The following LRRC56 variants were observed in gnomAD, a reference collection of about 807,000 sequenced individuals.
LRRC56 encodes the protein leucine-rich repeat-containing protein 56.
Under a neutral mutation model 47.8 loss-of-function variants are expected in LRRC56, and 41 were observed. The observed-to-expected ratio is 0.86, with a 90% CI of 0.67 to 1.11. The LOEUF is 1.11. Among genes scored for constraint, LRRC56 ranks in the 50% most tolerant of loss-of-function variants. The pLI, the probability that LRRC56 is intolerant of heterozygous loss-of-function variation, is 0.00. For missense variants in LRRC56, 759 were observed against 704.2 expected, an observed-to-expected ratio of 1.08 and a Z score of -0.88; for synonymous variants, 387 against 311.2, an observed-to-expected ratio of 1.24 and a Z score of -2.56.
In LRRC56 at chr11:551,131, G is replaced by C. The variant is rs895854243; in HGVS notation, c.625G>C (p.Val209Leu). ...CCTCCCCCTCCCCCTCCCCCTGCAG[G>C]TGCCCAGGGGCTACAACTACAGGGC... ...LQPAPGPTNK[V>L]PRGYNYRAEV... is the part of the protein sequence containing the mutation. The change falls in exon 9 of 14, where the codon GTG (valine) becomes CTG (leucine). Residue 209 changes from valine (V) to leucine (L), a missense_variant and splice_region_variant. Coordinates refer to ENST00000270115, the MANE Select transcript of LRRC56 (RefSeq NM_198075.4). 2 of 1,442,258 alleles carry C rather than the reference G, an allele frequency of 1.4e-6. No homozygotes were observed. Among genetic ancestry groups the C allele is most frequent in the African/African-American group, 2.9e-5 (2 of 69,148 alleles). The allele number at this position is 1,442,258 out of a possible 1,614,324, so 89.3% of individuals were successfully genotyped here. A position where few individuals can be genotyped will look rare whatever the true frequency, so the allele number is the denominator to read the frequency against.
chr11:533,588 G>A (rs1229925274), upstream of LRRC56: 2 of 1,613,882 alleles, frequency 1.2e-6, no homozygotes, highest in Admixed American at 1.7e-5. Context: ...CGTCATCCGA[G>A]TCCTTCACCC....
intron 11 of LRRC56, 27 bp from the exon 12 acceptor site, chr11:552,063 C>T: frequency 1.2e-6 from 2 of 1,608,422 alleles, no homozygotes; most frequent in South Asian, 2.2e-5. Context: ...GGCCAGAATC[C>T]CTAAAGCAGT....
chr11:518,323 A>G, the LRRC56 span, among the ~76,000 whole-genome samples: 1 of 151,942 alleles, frequency 6.6e-6, no homozygotes, highest in Non-Finnish European at 1.5e-5. Flanking sequence ...CTGGGACTAC[A>G]GGTGCCCGCC....
the LRRC56 span, among the ~76,000 whole-genome samples, chr11:523,659 G>A: frequency 1.4e-3 from 204 of 150,536 alleles, 7 homozygotes; most frequent in South Asian, 0.028. Context: ...GGGGCCGGGC[G>A]CGGTGGCTCA....
upstream of LRRC56, chr11:533,286 G>C (rs900369844): frequency 3.1e-6 from 5 of 1,593,762 alleles, no homozygotes; most frequent in African/African-American, 6.7e-5. Context: ...CAGCGCGAGG[G>C]GCCGCTGGGT....
chr11:518,920 G>T, the LRRC56 span, among the ~76,000 whole-genome samples: 1 of 148,200 alleles, frequency 6.7e-6, no homozygotes, highest in Non-Finnish European at 1.5e-5. Flanking sequence ...CGTGTCTCCC[G>T]GTCACGTGAC....
At position 540,728 on chromosome 11, in the gene LRRC56, C is replaced by T; in HGVS notation, c.44C>T (p.Thr15Ile). ...WDRSRGPRRS[T>I]SSVRVRELSW... Reference sequence around the variant, plus strand: ...AGATCCCGTGGGCCTCGGCGGAGCACCTCCAGCGTCCGGGTGCGGGAGCTG... The same window carrying T: ...AGATCCCGTGGGCCTCGGCGGAGCATCTCCAGCGTCCGGGTGCGGGAGCTG... Residue 15 changes from threonine (T) to isoleucine (I), a missense_variant, in exon 4 of 14, where the codon ACC becomes ATC. Thr to Ile is a moderately conservative substitution (Grantham distance 89). Coordinates refer to ENST00000270115, the MANE Select transcript of LRRC56 (RefSeq NM_198075.4). 6.2e-7 allele frequency: 1 copy of T among 1,612,530 alleles called. No individual in the cohort carries two copies. Among genetic ancestry groups the T allele is most frequent in the Non-Finnish European group, 8.5e-7 (1 of 1,179,834 alleles).
chr11:534,149 C>T (rs957529281), upstream of LRRC56: 11 of 1,374,786 alleles, frequency 8.0e-6, no homozygotes, highest in African/African-American at 8.5e-5. Flanking sequence ...CAGCCCTATC[C>T]TGGCTGTGTC....
chr11:526,084 G>A, the LRRC56 span, among the ~76,000 whole-genome samples: 1 of 152,100 alleles, frequency 6.6e-6, no homozygotes, highest in Admixed American at 6.6e-5. Flanking sequence ...GCAGGTGCCT[G>A]TAGTCCCAGC....
intron 4 of LRRC56, 96 bp downstream of exon 4, chr11:540,957 CCCTCCTGCTGGTCTTG>C (rs1851766655): frequency 9.4e-7 from 1 of 1,063,034 alleles, no homozygotes; most frequent in Non-Finnish European, 1.3e-6. Context: ...CCCTCTGTCC[CCCTCCTGCTGGTCTTG>C]CCTGCTGATG....
chr11:553,502 C>T (rs560759068), intron 13 of LRRC56, among the ~76,000 whole-genome samples: 3 of 152,240 alleles, frequency 2.0e-5, no homozygotes, highest in South Asian at 2.1e-4. Context: ...GCAGGCAGGG[C>T]GGCCAGGAGG....
the LRRC56 span, among the ~76,000 whole-genome samples, chr11:531,781 G>A: frequency 2.6e-5 from 4 of 152,240 alleles, no homozygotes; most frequent in African/African-American, 9.6e-5. Context: ...ACCGCTTCAG[G>A]CCACAGAGCC....
At chr11:537,136 C>T (rs1851545563), upstream of LRRC56, 1 of 152,256 alleles carries the variant, frequency 6.6e-6, no homozygotes, top group Non-Finnish European at 1.5e-5. Flanking sequence ...CAGGGGCGAC[C>T]CTTCCACCTG....
chr11:537,946 G>C (rs1851604077), intron 1 of LRRC56, among the ~76,000 whole-genome samples: 1 of 152,190 alleles, frequency 6.6e-6, no homozygotes, highest in African/African-American at 2.4e-5. Flanking sequence ...GAAGGGGCGA[G>C]GGCAGCAGGG....
At chr11:517,642 G>A in the LRRC56 span, among the ~76,000 whole-genome samples, 20 of 152,134 alleles carry the variant, frequency 1.3e-4, no homozygotes, top group African/African-American at 3.6e-4. Flanking sequence ...AGGCCGCCCC[G>A]TCTGGGAAGT....
rs919490308 is a variant in LRRC56, at chr11:538,740, T to G, written c.-279T>G. ...GTGCATCTGCCTGTTCACGGATTCC[T>G]TCGACAAATATTTGAGCATCCCCTC... is the stretch of plus-strand genomic sequence containing the variant. On this transcript the variant is annotated 5_prime_UTR_variant, in exon 2 of 14. Coordinates refer to ENST00000270115, the MANE Select transcript of LRRC56 (RefSeq NM_198075.4). 2 of 152,324 alleles carry G rather than the reference T, an allele frequency of 1.3e-5. No homozygotes were observed. The highest frequency in any genetic ancestry group is 2.9e-5 in the Non-Finnish European group (2 of 68,090). 9.4% of individuals were successfully genotyped at this position (152,324 alleles called of 1,614,324 possible). A position where few individuals can be genotyped will look rare whatever the true frequency, so the allele number is the denominator to read the frequency against.
the LRRC56 span, among the ~76,000 whole-genome samples, chr11:513,689 A>G: frequency 6.6e-6 from 1 of 151,832 alleles, no homozygotes; most frequent in Non-Finnish European, 1.5e-5. Flanking sequence ...GGCCAGCTTT[A>G]TTGTTGTCTT....
intron 6 of LRRC56, among the ~76,000 whole-genome samples, chr11:547,440 C>T (rs1040393342): frequency 2.0e-5 from 3 of 151,794 alleles, no homozygotes; most frequent in African/African-American, 7.2e-5. Flanking sequence ...TGCAATCTCG[C>T]CTCCCGGGTT....
the LRRC56 span, among the ~76,000 whole-genome samples, chr11:514,060 C>T: frequency 2.0e-5 from 3 of 151,990 alleles, no homozygotes; most frequent in Non-Finnish European, 2.9e-5. Flanking sequence ...GGCACCATCT[C>T]GGCTCACTGC....
Sources: allele counts gnomAD v4.1 joint callset (sites outside exome capture counted in the v4.1 genomes callset), GRCh38; gene constraint gnomAD v4.1.1; transcripts MANE v1.5; gene names NCBI Gene and HGNC (gene_info 2026-07-23, HGNC 2026-07-21).